TMEM178A: variants seen among roughly 807,000 people sequenced by gnomAD.
TMEM178A encodes transmembrane protein 178A.
TMEM178A carries 12 observed loss-of-function variants against 29.1 expected under a neutral mutation model. That is an observed-to-expected ratio of 0.41 (90% confidence interval 0.26 to 0.67). The LOEUF is 0.67. TMEM178A is among the 30% of genes least tolerant of loss of function. The pLI is 0.29. For missense variants in TMEM178A, 366 were observed against 419.1 expected, an observed-to-expected ratio of 0.87 and a Z score of 1.11; for synonymous variants, 210 against 187.2, an observed-to-expected ratio of 1.12 and a Z score of -0.99.
chr2:39,704,137 C>A lies in TMEM178A; in HGVS notation c.457C>A (p.Arg153=). ...KYHFSQPIRL[R]NIPFNLTKTI... is the part of the protein sequence containing the mutation. The stretch of plus-strand genomic sequence containing the variant: ...CCACTTTTCTCAGCCCATCCGCTTG[C>A]GAAACATTCCTTTTAATTTAACCAA... The change falls in exon 2 of 4, where the codon CGA becomes AGA. Residue 153 remains arginine (R), a synonymous_variant. Coordinates refer to ENST00000281961, the MANE Select transcript of TMEM178A (RefSeq NM_152390.3). The A allele has an allele frequency of 6.2e-7, 1 of 1,614,138 alleles. No individual in the cohort carries two copies. The highest frequency in any genetic ancestry group is 8.5e-7 in the Non-Finnish European group (1 of 1,180,014).
intron 1 of TMEM178A, among the ~76,000 whole-genome samples, chr2:39,675,930 C>T (rs897871225): frequency 6.6e-6 from 1 of 151,268 alleles, no homozygotes; most frequent in Non-Finnish European, 1.5e-5. Flanking sequence ...CAGGCATGCT[C>T]TACCATGCCT....
At chr2:39,667,412 C>G (rs1481272980) in intron 1 of TMEM178A, among the ~76,000 whole-genome samples, 1 of 146,074 alleles carries the variant, frequency 6.8e-6, no homozygotes, top group African/African-American at 2.5e-5. Flanking sequence ...CTTTAACTTT[C>G]AGAACTTGAC....
At chr2:39,711,894 G>A (rs927952923) in intron 3 of TMEM178A, among the ~76,000 whole-genome samples, 7 of 152,134 alleles carry the variant, frequency 4.6e-5, no homozygotes, top group African/African-American at 1.7e-4. Context: ...TAATATTCCT[G>A]TAGCTAAACA....
intron 1 of TMEM178A, among the ~76,000 whole-genome samples, chr2:39,701,858 T>G (rs185144021): frequency 1.3e-5 from 2 of 152,196 alleles, no homozygotes; most frequent in African/African-American, 4.8e-5. Flanking sequence ...TATTATACTT[T>G]TCAACTCCAG....
At position 39,717,371 on chromosome 2, in the gene TMEM178A, G is replaced by A; in HGVS notation, c.*120G>A. ...AACCTGTTGCCTGCCAGCCCTTTCT[G>A]GATTACTGATAGAAAATCATGCAAA... is the stretch of plus-strand genomic sequence containing the variant. On this transcript the variant is annotated 3_prime_UTR_variant, in exon 4 of 4. Coordinates refer to ENST00000281961, the MANE Select transcript of TMEM178A (RefSeq NM_152390.3). The A allele has an allele frequency of 1.4e-6, 2 of 1,389,990 alleles. No individual in the cohort carries two copies. Among genetic ancestry groups the A allele is most frequent in the East Asian group, 2.5e-5 (1 of 40,708 alleles). 86.1% of individuals were successfully genotyped at this position (1,389,990 alleles called of 1,614,324 possible). A position where few individuals can be genotyped will look rare whatever the true frequency, so the allele number is the denominator to read the frequency against.
chr2:39,677,423 A>T (rs531188171), intron 1 of TMEM178A, among the ~76,000 whole-genome samples: 13 of 152,198 alleles, frequency 8.5e-5, no homozygotes, highest in Non-Finnish European at 1.9e-4. Flanking sequence ...TGAACAAGAA[A>T]ATTAGCAAAT....
At chr2:39,674,267 G>A (rs1052110234) in intron 1 of TMEM178A, among the ~76,000 whole-genome samples, 9 of 152,074 alleles carry the variant, frequency 5.9e-5, no homozygotes, top group Non-Finnish European at 1.2e-4. Context: ...TCATGGAACC[G>A]ACCCAAAGGC....
At chr2:39,706,719 T>C (rs1422369378) in intron 2 of TMEM178A, among the ~76,000 whole-genome samples, 1 of 152,194 alleles carries the variant, frequency 6.6e-6, no homozygotes, top group Non-Finnish European at 1.5e-5. Context: ...CTAACAGATA[T>C]TTCTCAGACC....
At chr2:39,725,381 A>G in the TMEM178A span, among the ~76,000 whole-genome samples, 1 of 152,198 alleles carries the variant, frequency 6.6e-6, no homozygotes, top group African/African-American at 2.4e-5. Context: ...GAAAATGTCA[A>G]GCTTTTACCT....
intron 1 of TMEM178A, among the ~76,000 whole-genome samples, chr2:39,669,997 A>G (rs970264277): frequency 3.9e-5 from 6 of 152,240 alleles, no homozygotes; most frequent in African/African-American, 1.4e-4. Context: ...AGTCTTCCTT[A>G]TATGCCATTC....
At chr2:39,670,131 A>T (rs1466232865) in intron 1 of TMEM178A, among the ~76,000 whole-genome samples, 2 of 152,232 alleles carry the variant, frequency 1.3e-5, no homozygotes, top group East Asian at 1.9e-4. Flanking sequence ...ATAGTTGAAC[A>T]AAATGGACTT....
intron 1 of TMEM178A, among the ~76,000 whole-genome samples, chr2:39,683,186 A>G (rs1670941427): frequency 1.3e-5 from 2 of 152,206 alleles, no homozygotes; most frequent in South Asian, 4.1e-4. Context: ...TTCAGCATAA[A>G]TCTGGACACT....
intron 2 of TMEM178A, among the ~76,000 whole-genome samples, chr2:39,706,732 C>A (rs1045149825): frequency 3.9e-5 from 6 of 152,298 alleles, no homozygotes; most frequent in African/African-American, 1.4e-4. Flanking sequence ...CTCAGACCCA[C>A]CTCACTCTTT....
At chr2:39,698,698 A>T (rs1199083087) in intron 1 of TMEM178A, among the ~76,000 whole-genome samples, 41 of 146,278 alleles carry the variant, frequency 2.8e-4, no homozygotes, top group African/African-American at 2.5e-4. Context: ...TTCATGCTCT[A>T]TTTTTTTTTT....
chr2:39,719,497 G>A (rs1672661630), downstream of TMEM178A, among the ~76,000 whole-genome samples: 1 of 152,226 alleles, frequency 6.6e-6, no homozygotes, highest in African/African-American at 2.4e-5. Context: ...TGAGCTCGAA[G>A]CAACCAACGT....
intron 3 of TMEM178A, among the ~76,000 whole-genome samples, chr2:39,713,788 AG>A (rs1275091021): frequency 6.6e-6 from 1 of 152,264 alleles, no homozygotes; most frequent in Non-Finnish European, 1.5e-5. Context: ...AACCTGAAAT[AG>A]AATTCCACAC....
At chr2:39,696,184 A>C (rs572708938) in intron 1 of TMEM178A, among the ~76,000 whole-genome samples, 1 of 152,306 alleles carries the variant, frequency 6.6e-6, no homozygotes, top group Non-Finnish European at 1.5e-5. Context: ...GTCAGTTAGC[A>C]AATTCTTCAG....
intron 1 of TMEM178A, among the ~76,000 whole-genome samples, chr2:39,675,878 C>G (rs1670602252): frequency 6.6e-6 from 1 of 152,188 alleles, no homozygotes; most frequent in Admixed American, 6.5e-5. Context: ...CTCCTGGGCT[C>G]AAGTGATTGT....
At chr2:39,725,196 C>T in the TMEM178A span, among the ~76,000 whole-genome samples, 6 of 152,084 alleles carry the variant, frequency 3.9e-5, no homozygotes, top group South Asian at 4.1e-4. Context: ...CGGGGTGGGA[C>T]GGGTGAGTGG....
Sources: gnomAD v4.1 joint callset for allele counts (sites outside exome capture counted in the v4.1 genomes callset) on GRCh38, gnomAD v4.1.1 for gene constraint, MANE v1.5 for transcripts, NCBI Gene and HGNC (gene_info 2026-07-23, HGNC 2026-07-21) for gene names.